Variants in SLC38A1 observed in about 807,000 individuals in gnomAD.
The protein encoded by SLC38A1 is solute carrier family 38 member 1.
SLC38A1 carries 18 observed loss-of-function variants against 60.3 expected under a neutral mutation model. That is an observed-to-expected ratio of 0.30 (90% confidence interval 0.21 to 0.44). SLC38A1 has a LOEUF of 0.44. SLC38A1 is among the 20% of genes least tolerant of loss of function. SLC38A1 has a pLI of 1.00. For synonymous variants in SLC38A1, 196 were observed against 212.1 expected (o/e 0.92, Z 0.66); for missense variants, 448 against 587.2 (o/e 0.76, Z 2.45).
At chr12:46,250,764 AC>A (rs1941809582) in intron 1 of SLC38A1, among the ~76,000 whole-genome samples, 1 of 152,184 alleles carries the variant, frequency 6.6e-6, no homozygotes, top group African/African-American at 2.4e-5. Context: ...AGAATAAAAT[AC>A]CTAGGAATCC....
Position 46,189,163 on chromosome 12 carries a change from C to T in SLC38A1, c.1363-92G>A. 3.6e-6 allele frequency: 3 copies of T among 830,428 alleles called. No individual in the cohort carries two copies. In the Admixed American group the frequency reaches 6.1e-5, roughly 17 times the overall value. 51.4% of individuals were successfully genotyped at this position (830,428 alleles called of 1,614,324 possible). On this transcript the variant is annotated intron_variant, in intron 16 of 16. Transcript: ENST00000398637. ...AAAAAATAGAACAGTTTTTCCTCTC[C>T]CTTTGTGTCCTCTGGTATTCAGAGT...
rs1942423128 is a variant in SLC38A1, at chr12:46,268,164, C to T, written c.-209+362G>A. Among the ~76,000 whole-genome samples, 1 of 152,224 alleles carries T rather than the reference C, an allele frequency of 6.6e-6. No homozygotes were observed. Among genetic ancestry groups the T allele is most frequent in the African/African-American group, 2.4e-5 (1 of 41,446 alleles). ...GCGCCCTCGGGTCAGCTGCGCTCTC[C>T]CTCCAGACGTGCGTGGTTCCTGGCT... On this transcript the variant is annotated intron_variant, in intron 1 of 16. Transcript: ENST00000398637. The surrounding 1 kb of genome is among the most constrained non-coding windows in gnomAD (Gnocchi z 4.4).
intron 11 of SLC38A1, 21 bp downstream of exon 11, chr12:46,204,280 G>A: frequency 6.3e-6 from 9 of 1,433,580 alleles, no homozygotes; most frequent in Non-Finnish European, 7.9e-6. Context: ...TGTTTCATCT[G>A]CAAAGGATCA....
intron 16 of SLC38A1, among the ~76,000 whole-genome samples, chr12:46,193,292 G>T (rs116022690): frequency 0.025 from 3,876 of 152,270 alleles, 135 homozygotes; most frequent in South Asian, 0.08. Context: ...CTGTGTCTAA[G>T]AGACAGTTTG....
intron 3 of SLC38A1, 135 bp from the exon 4 acceptor site, chr12:46,229,774 T>TC: frequency 2.7e-6 from 2 of 731,648 alleles, no homozygotes; most frequent in Non-Finnish European, 4.5e-6. Context: ...ACAGCCCTAT[T>TC]CAACCACCAA....
intron 1 of SLC38A1, chr12:46,267,172 T>G (rs1383402609): frequency 6.6e-6 from 1 of 152,178 alleles, no homozygotes; most frequent in African/African-American, 2.4e-5. Flanking sequence ...TATTGAAAAA[T>G]GTAAAAACCC....
At chr12:46,211,009 G>T (rs1940142436) in intron 5 of SLC38A1, among the ~76,000 whole-genome samples, 2 of 152,168 alleles carry the variant, frequency 1.3e-5, no homozygotes, top group African/African-American at 4.8e-5. Flanking sequence ...AATGGAACAG[G>T]ATTTGATATG....
chr12:46,248,939 G>A (rs1030199351), intron 1 of SLC38A1, among the ~76,000 whole-genome samples: 3 of 151,938 alleles, frequency 2.0e-5, no homozygotes, highest in African/African-American at 7.3e-5. Flanking sequence ...GGCAGATCAC[G>A]AGTTCAGGAG....
chr12:46,221,307 C>T (rs1312292145), intron 5 of SLC38A1, among the ~76,000 whole-genome samples: 1 of 152,052 alleles, frequency 6.6e-6, no homozygotes, highest in Non-Finnish European at 1.5e-5. Context: ...AATTACTGTC[C>T]TTTTCCCAAA....
rs142176282 is a variant in SLC38A1, at chr12:46,256,636, C to CACAGAGAG, written c.-209+11889_-209+11890insCTCTCTGT. The stretch of plus-strand genomic sequence containing the variant: ...GCGCACACACACACACACACACACA[C>CACAGAGAG]AGAGAGAGAGAGAGAGAGAGAGAGA... On this transcript the variant is annotated intron_variant, in intron 1 of 16. Transcript: ENST00000398637. Among the ~76,000 whole-genome samples, 648 of 123,190 alleles carry CACAGAGAG rather than the reference C, an allele frequency of 5.3e-3. 1 individual carries two copies. The highest frequency in any genetic ancestry group is 8.5e-3 in the Middle Eastern group (2 of 234). The allele number at this position is 123,190 out of a possible 152,430, so 80.8% of individuals were successfully genotyped here.
Position 46,268,158 on chromosome 12 carries a change from GCTCTCCCTCC to G in SLC38A1, c.-209+358_-209+367del. ...ACGGTCGCGCCCTCGGGTCAGCTGC[GCTCTCCCTCC>G]AGACGTGCGTGGTTCCTGGCTCTCG... On this transcript the variant is annotated intron_variant, in intron 1 of 16. Coordinates refer to ENST00000398637, the MANE Select transcript of SLC38A1 (RefSeq NM_030674.4). This position sits in a 1 kb window ranked among gnomAD's most constrained non-coding sequence, Gnocchi z 4.4. Among the ~76,000 whole-genome samples the G allele has an allele frequency of 6.6e-6, 1 of 152,182 alleles. No homozygotes were observed. The highest frequency in any genetic ancestry group is 1.9e-4 in the East Asian group (1 of 5,194).
chr12:46,256,079 T>G (rs572590461), intron 1 of SLC38A1, among the ~76,000 whole-genome samples: 530 of 147,068 alleles, frequency 3.6e-3, no homozygotes, highest in Non-Finnish European at 6.2e-3. Flanking sequence ...GGCAGGAGAA[T>G]GGCGTGAACC....
chr12:46,206,967 A>T (rs1379785744), intron 8 of SLC38A1, among the ~76,000 whole-genome samples, 188 bp downstream of exon 8: 1 of 152,232 alleles, frequency 6.6e-6, no homozygotes, highest in African/African-American at 2.4e-5. Context: ...TCAAATGTGC[A>T]TATGCAAATG....
chr12:46,220,064 A>G (rs921596238), intron 5 of SLC38A1, among the ~76,000 whole-genome samples: 16 of 152,208 alleles, frequency 1.1e-4, no homozygotes, highest in Admixed American at 1.3e-4. Flanking sequence ...TAGCTGCTCA[A>G]CTTCTAAAAA....
chr12:46,230,186 C>A (rs950568991), intron 3 of SLC38A1, among the ~76,000 whole-genome samples: 7 of 152,158 alleles, frequency 4.6e-5, no homozygotes, highest in African/African-American at 1.4e-4. Flanking sequence ...CTCTCCCTTG[C>A]AGAAAAGAAA....
At chr12:46,209,156 A>T in intron 5 of SLC38A1, 29 bp from the exon 6 acceptor site, 1 of 1,416,866 alleles carries the variant, frequency 7.1e-7, no homozygotes, top group Non-Finnish European at 9.9e-7. Context: ...ATCTTATTGT[A>T]ATATCTAGAA....
At chr12:46,211,895 A>G (rs956397529) in intron 5 of SLC38A1, among the ~76,000 whole-genome samples, 1 of 152,214 alleles carries the variant, frequency 6.6e-6, no homozygotes, top group Non-Finnish European at 1.5e-5. Context: ...ACTGAAAATT[A>G]ATATAAAGCA....
rs1431359780 is a variant in SLC38A1 at position 46,187,796 on chromosome 12, T to C, written c.*1174A>G. 6.6e-6 allele frequency: 1 copy of C among 151,572 alleles called. No homozygotes were observed. Among genetic ancestry groups the C allele is most frequent in the Non-Finnish European group, 1.5e-5 (1 of 67,896 alleles). 9.4% of individuals were successfully genotyped at this position (151,572 alleles called of 1,614,324 possible). On this transcript the variant is annotated 3_prime_UTR_variant, in exon 17 of 17. Transcript: ENST00000398637. ...TATCTCTGAGGGTTTTTTTTTTTTT[T>C]TTTTCACAAGACTAGATGGAGAATT...
Position 46,203,063 on chromosome 12 carries a change from T to G in SLC38A1, c.849A>C (p.Ala283=). The G allele has an allele frequency of 6.2e-7, 1 of 1,613,968 alleles. No homozygotes were observed. The highest frequency in any genetic ancestry group is 8.5e-7 in the Non-Finnish European group (1 of 1,179,906). ...SKTVYALPTI[A]FAFVCHPSVL... The stretch of plus-strand genomic sequence containing the variant: ...CTGACGGGTGGCAAACAAATGCAAA[T>G]GCAATGGTGGGTAAAGCATACACGG... The change falls in exon 12 of 17, where the codon GCA becomes GCC. Residue 283 remains alanine, a synonymous_variant. Transcript: ENST00000398637.
Sources: gnomAD v4.1 joint callset for allele counts (sites outside exome capture counted in the v4.1 genomes callset) on GRCh38, gnomAD v4.1.1 for gene constraint, Gnocchi (gnomAD v3.1) non-coding constraint, MANE v1.5 for transcripts, NCBI Gene and HGNC (gene_info 2026-07-23, HGNC 2026-07-21) for gene names.